Variants in NHLRC1 observed in about 807,000 individuals in gnomAD.
The protein encoded by NHLRC1 is E3 ubiquitin-protein ligase NHLRC1.
NHLRC1 carries 10 observed loss-of-function variants against 14.6 expected under a neutral mutation model. The observed-to-expected ratio is 0.69, with a 90% CI of 0.42 to 1.17. The LOEUF (loss-of-function observed/expected upper bound fraction) is 1.17, where lower values mean the gene tolerates loss of function less well. Among genes scored for constraint, NHLRC1 ranks in the 50% most tolerant of loss-of-function variants. NHLRC1 has a pLI of 0.00. For synonymous variants in NHLRC1, 231 were observed against 224.0 expected (o/e 1.03, Z -0.28); for missense variants, 526 against 522.9 (o/e 1.01, Z -0.06).
chr6:18,121,906 G>T lies in NHLRC1; in HGVS notation c.701C>A (p.Ala234Glu), dbSNP rs771126194. 4.3e-6 allele frequency: 7 copies of T among 1,614,124 alleles called. No individual in the cohort carries two copies. The highest frequency in any genetic ancestry group is 2.2e-5 in the South Asian group (2 of 91,076). Residue 234 changes from alanine (A) to glutamate (E), a missense_variant, in exon 1 of 1, where the codon GCG becomes GAG. Transcript: ENST00000340650. The surrounding 1 kb of genome is among the most constrained non-coding windows in gnomAD (Gnocchi z 4.7). ...TPQNGIVVTD[A>E]EAGSLHLLDV... ...CAGGAGGTGCAGGGACCCTGCCTCC[G>T]CATCAGTTACCACAATCCCATTCTG... is the stretch of plus-strand genomic sequence containing the variant.
At position 18,121,504 on chromosome 6, in the gene NHLRC1, G is replaced by C; in HGVS notation, c.1103C>G (p.Ala368Gly). 1 of 1,614,172 alleles carries C rather than the reference G, an allele frequency of 6.2e-7. No homozygotes were observed. Residue 368 changes from alanine to glycine, a missense_variant, in exon 1 of 1, where the codon GCT becomes GGT. By Grantham distance (60) the Ala-to-Gly change is moderately conservative. Transcript: ENST00000340650. This position sits in a 1 kb window ranked among gnomAD's most constrained non-coding sequence, Gnocchi z 4.7. ...MVTHGLSHPVALTFTKENSLL... is the reference protein window; with the variant it reads ...MVTHGLSHPVGLTFTKENSLL... ...AGAATTCTCCTTGGTGAAGGTAAGA[G>C]CCACAGGATGCGAAAGACCATGAGT...
Position 18,121,709 on chromosome 6 carries a change from T to A in NHLRC1, c.898A>T (p.Ser300Cys), listed in dbSNP as rs1485938362. 1.2e-6 allele frequency: 2 copies of A among 1,613,954 alleles called. No individual in the cohort carries two copies. The highest frequency in any genetic ancestry group is 1.7e-6 in the Non-Finnish European group (2 of 1,180,030). ...TCCACTTGGCCGACAAGCTGCATAC[T>A]TGAGCTAAACACTTTCACCCTGGTG... ...CSTRVKVFSS[S>C]MQLVGQVDTF... The change falls in exon 1 of 1, where the codon AGT (serine) becomes TGT (cysteine). Residue 300 changes from serine (S) to cysteine (C), a missense_variant. By Grantham distance (112) the Ser-to-Cys change is moderately radical (BLOSUM62 -1). Coordinates refer to ENST00000340650, the MANE Select transcript of NHLRC1 (RefSeq NM_198586.3). The surrounding 1 kb of genome is among the most constrained non-coding windows in gnomAD (Gnocchi z 4.7).
In NHLRC1 at chr6:18,122,372, C is replaced by T; in HGVS notation, c.235G>A (p.Asp79Asn). 6.4e-7 allele frequency: 1 copy of T among 1,573,388 alleles called. No individual in the cohort carries two copies. The highest frequency in any genetic ancestry group is 8.6e-7 in the Non-Finnish European group (1 of 1,167,844). ...PFCRRACRGC[D>N]TSDCLPVLHL... ...AGCACCGGCAGGCAGTCGCTGGTGT[C>T]GCAGCCCCGGCAAGCTCGCCTGCAG... Residue 79 changes from aspartate to asparagine, a missense_variant, in exon 1 of 1, where the codon GAC becomes AAC. Asp to Asn is a conservative substitution (Grantham distance 23). Transcript: ENST00000340650.
In NHLRC1 at chr6:18,121,776, C is replaced by A. The variant is rs556216487; in HGVS notation, c.831G>T (p.Ala277=). ...VAVSWLTGAI[A]VLEHPLALGT... ...CCAGGGCCAGGGGGTGCTCCAGGAC[C>A]GCAATGGCCCCGGTGAGCCAAGACA... The change falls in exon 1 of 1, where the codon GCG becomes GCT. Residue 277 remains alanine (A), a synonymous_variant. Transcript: ENST00000340650. This position sits in a 1 kb window ranked among gnomAD's most constrained non-coding sequence, Gnocchi z 4.7. 1.4e-5 allele frequency: 22 copies of A among 1,614,040 alleles called. No homozygotes were observed. In the South Asian group the frequency reaches 2.3e-4, roughly 17 times the overall value.
chr6:18,121,268 A>G lies in NHLRC1; in HGVS notation c.*151T>C, dbSNP rs1005648807. ...TATGCATTCAATAAATGGTAGATTA[A>G]TCTCCAATAACTGTCCCAAGCTTTG... is the stretch of plus-strand genomic sequence containing the variant. On this transcript the variant is annotated 3_prime_UTR_variant, in exon 1 of 1. Transcript: ENST00000340650. This position sits in a 1 kb window ranked among gnomAD's most constrained non-coding sequence, Gnocchi z 4.7. 42 of 657,056 alleles carry G rather than the reference A, an allele frequency of 6.4e-5. No individual in the cohort carries two copies. In the Admixed American group the frequency reaches 1.1e-3, roughly 18 times the overall value. 40.7% of individuals were successfully genotyped at this position (657,056 alleles called of 1,614,324 possible).
In NHLRC1 at chr6:18,121,525, T is replaced by C; in HGVS notation, c.1082A>G (p.His361Arg). ...EFPVPKPMVT[H>R]GLSHPVALTF... is the part of the protein sequence containing the mutation. ...AAGAGCCACAGGATGCGAAAGACCA[T>C]GAGTGACCATGGGCTTCGGTACTGG... Residue 361 changes from histidine (H) to arginine (R), a missense_variant, in exon 1 of 1, where the codon CAT (histidine) becomes CGT (arginine). Transcript: ENST00000340650. The surrounding 1 kb of genome is among the most constrained non-coding windows in gnomAD (Gnocchi z 4.7). The C allele has an allele frequency of 6.2e-7, 1 of 1,614,164 alleles. No homozygotes were observed. Among genetic ancestry groups the C allele is most frequent in the Non-Finnish European group, 8.5e-7 (1 of 1,180,030 alleles).
rs767300701 is a variant in NHLRC1, at chr6:18,121,861, C to T, written c.746G>A (p.Gly249Glu). The change falls in exon 1 of 1, where the codon GGG becomes GAG. Residue 249 changes from glycine (G) to glutamate (E), a missense_variant. Coordinates refer to ENST00000340650, the MANE Select transcript of NHLRC1 (RefSeq NM_198586.3). The surrounding 1 kb of genome is among the most constrained non-coding windows in gnomAD (Gnocchi z 4.7). ...CAACCTTTCAGTTCTCCGAAGGACC[C>T]CTTCCGCGAAGTCGACGTCCAGGAG... ...LHLLDVDFAE[G>E]VLRRTERLQA... is the part of the protein sequence containing the mutation. 1 of 1,614,132 alleles carries T rather than the reference C, an allele frequency of 6.2e-7. No homozygotes were observed. Among genetic ancestry groups the T allele is most frequent in the Admixed American group, 1.7e-5 (1 of 60,018 alleles).
Position 18,122,411 on chromosome 6 carries a change from G to A in NHLRC1, c.196C>T (p.Leu66Phe), listed in dbSNP as rs553900705. ...GCTCGCCTGCAGAATGGGCACTCGAGGGCCAGAGTGCGCGGGTGCGCCAGG... is the reference window on the plus strand; with the variant it reads ...GCTCGCCTGCAGAATGGGCACTCGAAGGCCAGAGTGCGCGGGTGCGCCAGG... Reference protein sequence around the residue: ...AALAHPRTLALECPFCRRACR... With the variant: ...AALAHPRTLAFECPFCRRACR... The change falls in exon 1 of 1, where the codon CTC (leucine) becomes TTC (phenylalanine). Residue 66 changes from leucine to phenylalanine, a missense_variant. Transcript: ENST00000340650. The A allele has an allele frequency of 6.3e-6, 10 of 1,587,978 alleles. No homozygotes were observed. The African/African-American group carries it at 8.0e-5, about 13-fold the overall frequency.
chr6:18,121,332 A>T lies in NHLRC1; in HGVS notation c.*87T>A. The T allele has an allele frequency of 1.0e-6, 1 of 954,512 alleles. No homozygotes were observed. Among genetic ancestry groups the T allele is most frequent in the Non-Finnish European group, 1.7e-6 (1 of 598,902 alleles). 59.1% of individuals were successfully genotyped at this position (954,512 alleles called of 1,614,324 possible). ...TGGTTTTAATTATCCCTGCCTGGAT[A>T]GATGAGTTTAAGTGACTTATCCAGG... On this transcript the variant is annotated 3_prime_UTR_variant, in exon 1 of 1. Transcript: ENST00000340650. The surrounding 1 kb of genome is among the most constrained non-coding windows in gnomAD (Gnocchi z 4.7).
rs1561882435 is a variant in NHLRC1, at chr6:18,122,648, C to G, written c.-42G>C. 6.5e-7 allele frequency: 1 copy of G among 1,541,324 alleles called. No homozygotes were observed. The highest frequency in any genetic ancestry group is 1.8e-5 in the Admixed American group (1 of 56,838). ...TCCCGCCGCGCCGCCTGGCCGTGCC[C>G]CAGCGACGCTCTCGGTCACGGTCAC... On this transcript the variant is annotated 5_prime_UTR_variant, in exon 1 of 1. Transcript: ENST00000340650.
chr6:18,121,212 A>G lies in NHLRC1; in HGVS notation c.*207T>C, dbSNP rs773856515. 2 of 597,590 alleles carry G rather than the reference A, an allele frequency of 3.3e-6. No individual in the cohort carries two copies. Among genetic ancestry groups the G allele is most frequent in the Non-Finnish European group, 5.9e-6 (2 of 336,954 alleles). 37.0% of individuals were successfully genotyped at this position (597,590 alleles called of 1,614,324 possible). The stretch of plus-strand genomic sequence containing the variant: ...CTCACTGGATAGTACAGATTAAATA[A>G]GCTAATATTTGCAAATTTCCTTGCA... On this transcript the variant is annotated 3_prime_UTR_variant, in exon 1 of 1. Coordinates refer to ENST00000340650, the MANE Select transcript of NHLRC1 (RefSeq NM_198586.3). The surrounding 1 kb of genome is among the most constrained non-coding windows in gnomAD (Gnocchi z 4.7).
At position 18,120,977 on chromosome 6, in the gene NHLRC1, C is replaced by G. The variant is rs555214908; in HGVS notation, c.*442G>C. On this transcript the variant is annotated 3_prime_UTR_variant, in exon 1 of 1. Transcript: ENST00000340650. ...CTTGAACTCAGGAGTTTGAGACCAG[C>G]CTGGGCAACATGGTGAAACCCCATC... 6.9e-4 allele frequency: 144 copies of G among 209,682 alleles called. 1 individual carries two copies. The highest frequency in any genetic ancestry group is 1.2e-3 in the Non-Finnish European group (123 of 103,082). The allele number at this position is 209,682 out of a possible 1,614,324, so 13.0% of individuals were successfully genotyped here.
Position 18,121,489 on chromosome 6 carries a change from T to C in NHLRC1, c.1118A>G (p.Lys373Arg), listed in dbSNP as rs773130728. 8 of 1,614,202 alleles carry C rather than the reference T, an allele frequency of 5.0e-6. No individual in the cohort carries two copies. The highest frequency in any genetic ancestry group is 6.8e-6 in the Non-Finnish European group (8 of 1,180,028). Residue 373 changes from lysine to arginine, a missense_variant, in exon 1 of 1, where the codon AAG becomes AGG. Coordinates refer to ENST00000340650, the MANE Select transcript of NHLRC1 (RefSeq NM_198586.3). This position sits in a 1 kb window ranked among gnomAD's most constrained non-coding sequence, Gnocchi z 4.7. Reference protein sequence around the residue: ...LSHPVALTFTKENSLLVLDTA... With the variant: ...LSHPVALTFTRENSLLVLDTA... ...GTCCAGCACAAGAAGAGAATTCTCC[T>C]TGGTGAAGGTAAGAGCCACAGGATG...
rs550375620 is a variant in NHLRC1, at chr6:18,121,057, CTACT to C, written c.*358_*361del. ...TGGTAATGCACACTTGTGGTCCCAG[CTACT>C]TGGGAGGCTGAGGTGGAAGGACCAC... On this transcript the variant is annotated 3_prime_UTR_variant, in exon 1 of 1. Transcript: ENST00000340650. This position sits in a 1 kb window ranked among gnomAD's most constrained non-coding sequence, Gnocchi z 4.7. 1.9e-3 allele frequency: 561 copies of C among 291,450 alleles called. 3 individuals are homozygous for C. Among genetic ancestry groups the C allele is most frequent in the African/African-American group, 0.011 (524 of 45,760 alleles). The allele number at this position is 291,450 out of a possible 1,614,324, so 18.1% of individuals were successfully genotyped here.
Position 18,121,868 on chromosome 6 carries a change from C to T in NHLRC1, c.739G>A (p.Ala247Thr). 2 of 1,614,130 alleles carry T rather than the reference C, an allele frequency of 1.2e-6. No homozygotes were observed. The highest frequency in any genetic ancestry group is 8.5e-7 in the Non-Finnish European group (1 of 1,180,032). Residue 247 changes from alanine to threonine, a missense_variant, in exon 1 of 1, where the codon GCG becomes ACG. Transcript: ENST00000340650. This position sits in a 1 kb window ranked among gnomAD's most constrained non-coding sequence, Gnocchi z 4.7. ...TCAGTTCTCCGAAGGACCCCTTCCGCGAAGTCGACGTCCAGGAGGTGCAGG... is the reference window on the plus strand; with the variant it reads ...TCAGTTCTCCGAAGGACCCCTTCCGTGAAGTCGACGTCCAGGAGGTGCAGG... ...GSLHLLDVDF[A>T]EGVLRRTERL... is the part of the protein sequence containing the mutation.
In NHLRC1 at chr6:18,121,906, GC is replaced by G; in HGVS notation, c.700del (p.Ala234ArgfsTer61). 1 of 1,614,124 alleles carries G rather than the reference GC, an allele frequency of 6.2e-7. No individual in the cohort carries two copies. Among genetic ancestry groups the G allele is most frequent in the Admixed American group, 1.7e-5 (1 of 60,022 alleles). On this transcript the variant is annotated frameshift_variant, in exon 1 of 1. Transcript: ENST00000340650. LOFTEE classifies it high-confidence loss of function. The surrounding 1 kb of genome is among the most constrained non-coding windows in gnomAD (Gnocchi z 4.7). ...TPQNGIVVTD[A>X]EAGSLHLLDV... Reference sequence around the variant, plus strand: ...CAGGAGGTGCAGGGACCCTGCCTCCGCATCAGTTACCACAATCCCATTCTGA... The same window carrying G: ...CAGGAGGTGCAGGGACCCTGCCTCCGATCAGTTACCACAATCCCATTCTGA...
chr6:18,121,685 C>T lies in NHLRC1; in HGVS notation c.922G>A (p.Asp308Asn). The T allele has an allele frequency of 6.2e-7, 1 of 1,614,084 alleles. No homozygotes were observed. Among genetic ancestry groups the T allele is most frequent in the Non-Finnish European group, 8.5e-7 (1 of 1,180,024 alleles). ...AAGTAGAGGCTCAGCCCAAAGGTAT[C>T]CACTTGGCCGACAAGCTGCATACTT... ...SSSMQLVGQV[D>N]TFGLSLYFPS... The change falls in exon 1 of 1, where the codon GAT becomes AAT. Residue 308 changes from aspartate (D) to asparagine (N), a missense_variant. Physicochemically the swap from Asp to Asn is conservative, Grantham distance 23. Coordinates refer to ENST00000340650, the MANE Select transcript of NHLRC1 (RefSeq NM_198586.3). This position sits in a 1 kb window ranked among gnomAD's most constrained non-coding sequence, Gnocchi z 4.7.
In NHLRC1 at chr6:18,122,229, C is replaced by G; in HGVS notation, c.378G>C (p.Leu126=). The G allele has an allele frequency of 6.2e-7, 1 of 1,611,448 alleles. No individual in the cohort carries two copies. The highest frequency in any genetic ancestry group is 8.5e-7 in the Non-Finnish European group (1 of 1,179,936). Residue 126 remains leucine, a synonymous_variant, in exon 1 of 1, where the codon CTG becomes CTC. Coordinates refer to ENST00000340650, the MANE Select transcript of NHLRC1 (RefSeq NM_198586.3). ...AAAGCGCCAGTCCGGTGGGGTTGAC[C>G]AGGGTCCCCCAGCCGCCGAAGGTGT... The part of the protein sequence containing the change: ...CHHTFGGWGT[L]VNPTGLALCP...
At position 18,122,019 on chromosome 6, in the gene NHLRC1, G is replaced by T. The variant is rs1448753561; in HGVS notation, c.588C>A (p.Arg196=). 6.2e-7 allele frequency: 1 copy of T among 1,614,228 alleles called. No homozygotes were observed. The highest frequency in any genetic ancestry group is 1.7e-5 in the Admixed American group (1 of 60,028). The change falls in exon 1 of 1, where the codon CGC becomes CGA. Residue 196 remains arginine (R), a synonymous_variant. Transcript: ENST00000340650. ...CAAAAAAATCAAACACTTTGATGGA[G>T]CGATCGCCGGCGTCAGTGACAACCA... ...CHVVVTDAGD[R]SIKVFDFFGQ... is the part of the protein sequence containing the mutation.
Sources: allele counts gnomAD v4.1 joint callset, GRCh38; gene constraint gnomAD v4.1.1; non-coding constraint Gnocchi (gnomAD v3.1); transcripts MANE v1.5; gene names NCBI Gene and HGNC (gene_info 2026-07-23, HGNC 2026-07-21).